Variants in HECTD4 observed in about 807,000 individuals in gnomAD.
HECTD4 encodes probable E3 ubiquitin-protein ligase HECTD4.
HECTD4 carries 114 observed loss-of-function variants against 471.5 expected under a neutral mutation model. That is an observed-to-expected ratio of 0.24 (90% CI 0.21 to 0.28). The LOEUF (loss-of-function observed/expected upper bound fraction) is 0.28, where lower values mean the gene tolerates loss of function less well. Among genes scored for constraint, HECTD4 ranks in the 10% least tolerant of loss-of-function variants. HECTD4 has a pLI of 1.00. For synonymous variants in HECTD4, 2,012 were observed against 2,256.0 expected (o/e 0.89, Z 3.07); for missense variants, 3,866 against 5,651.5 (o/e 0.68, Z 10.13).
Position 112,267,000 on chromosome 12 carries a change from T to C in HECTD4, c.2322-18A>G. On this transcript the variant is annotated intron_variant, in intron 13 of 75. Coordinates refer to ENST00000682272, the MANE Select transcript of HECTD4 (RefSeq NM_001388303.1). ...AACCAGAGCTGAAATGACAAAAAAG[T>C]CAAAAACATTTAAGCAAATGTTCTA... 1.5e-6 allele frequency: 2 copies of C among 1,365,052 alleles called. No homozygotes were observed. Among genetic ancestry groups the C allele is most frequent in the Non-Finnish European group, 2.0e-6 (2 of 988,282 alleles). The allele number at this position is 1,365,052 out of a possible 1,614,324, so 84.6% of individuals were successfully genotyped here. A position where few individuals can be genotyped will look rare whatever the true frequency, so the allele number is the denominator to read the frequency against.
At chr12:112,376,910 C>G (rs1393743366) in intron 1 of HECTD4, among the ~76,000 whole-genome samples, 1 of 152,050 alleles carries the variant, frequency 6.6e-6, no homozygotes, top group African/African-American at 2.4e-5. Context: ...GTCCGGAGTT[C>G]AAGACCAGCC....
chr12:112,196,778 G>T (rs1257209830), intron 55 of HECTD4, among the ~76,000 whole-genome samples: 2 of 152,046 alleles, frequency 1.3e-5, no homozygotes, highest in Non-Finnish European at 2.9e-5. Context: ...TTTTTGTAGA[G>T]ACACGGTCTC....
chr12:112,184,606 T>C lies in HECTD4; in HGVS notation c.10360A>G (p.Lys3454Glu), dbSNP rs777411517. ...GCCAGTGTCTTCTCGGGCTCAACTT[T>C]CCCGTCCCCGCCCTCGGCCTTGTCT... is the stretch of plus-strand genomic sequence containing the variant. ...PKDKAEGGDG[K>E]VEPEKTLAFP... Residue 3454 changes from lysine to glutamate, a missense_variant, in exon 61 of 76, where the codon AAA (lysine) becomes GAA (glutamate). Lys to Glu is a moderately conservative substitution (Grantham distance 56). Around this residue, in one of 16 missense-constraint regions of HECTD4, gnomAD observed 192 missense variants for 189.9 expected, o/e 1.01. Coordinates refer to ENST00000682272, the MANE Select transcript of HECTD4 (RefSeq NM_001388303.1). The surrounding 1 kb of genome is among the most constrained non-coding windows in gnomAD (Gnocchi z 9.1). 1.3e-5 allele frequency: 21 copies of C among 1,613,784 alleles called. No homozygotes were observed. The highest frequency in any genetic ancestry group is 1.8e-5 in the Non-Finnish European group (21 of 1,179,884).
chr12:112,235,721 C>T lies in HECTD4; in HGVS notation c.5508G>A (p.Leu1836=), dbSNP rs2033486586. ...PACVSKLLSL[L]LDQRPSPKLV... ...GCTTTGGAGACGGGCGTTGGTCAAG[C>T]AGCAGGGAGAGGAGTTTGGACACAC... The change falls in exon 36 of 76, where the codon CTG becomes CTA. Residue 1836 remains leucine, a synonymous_variant. Coordinates refer to ENST00000682272, the MANE Select transcript of HECTD4 (RefSeq NM_001388303.1). The surrounding 1 kb of genome is among the most constrained non-coding windows in gnomAD (Gnocchi z 5.0). 1.9e-6 allele frequency: 3 copies of T among 1,613,910 alleles called. No individual in the cohort carries two copies. The highest frequency in any genetic ancestry group is 2.5e-6 in the Non-Finnish European group (3 of 1,179,876).
chr12:112,263,135 CT>C, intron 17 of HECTD4, among the ~76,000 whole-genome samples: 1 of 152,224 alleles, frequency 6.6e-6, no homozygotes, highest in East Asian at 1.9e-4. Context: ...GATGAGAAAA[CT>C]AAGGCAAGAG....
At chr12:112,187,217 G>C (rs2031904462) in intron 60 of HECTD4, among the ~76,000 whole-genome samples, 1 of 151,452 alleles carries the variant, frequency 6.6e-6, no homozygotes. Flanking sequence ...GACCTCAGGT[G>C]ATCTGCCCAC....
intron 7 of HECTD4, among the ~76,000 whole-genome samples, chr12:112,294,544 T>C (rs1250634487): frequency 6.6e-6 from 1 of 152,194 alleles, no homozygotes; most frequent in African/African-American, 2.4e-5. Context: ...CCACAGTCCA[T>C]TCCATCATCC....
At position 112,162,936 on chromosome 12, in the gene HECTD4, G is replaced by C; in HGVS notation, c.13120+106C>G. On this transcript the variant is annotated intron_variant, in intron 75 of 75. Transcript: ENST00000682272. This position sits in a 1 kb window ranked among gnomAD's most constrained non-coding sequence, Gnocchi z 5.2. ...TGATGTCTGAGTTTTGGCACGTGGG[G>C]CTCCTGTTCATTGTTCTCCCTTCAC... is the stretch of plus-strand genomic sequence containing the variant. The C allele has an allele frequency of 1.1e-6, 1 of 926,284 alleles. No individual in the cohort carries two copies. The allele number at this position is 926,284 out of a possible 1,614,324, so 57.4% of individuals were successfully genotyped here.
intron 1 of HECTD4, among the ~76,000 whole-genome samples, chr12:112,379,463 G>A (rs1423264567): frequency 3.9e-5 from 6 of 152,222 alleles, no homozygotes; most frequent in Admixed American, 3.3e-4. Context: ...GGAGGCCAAG[G>A]CAGGCGGATC....
intron 7 of HECTD4, among the ~76,000 whole-genome samples, chr12:112,294,007 C>T (rs1220656833): frequency 1.3e-5 from 2 of 152,074 alleles, no homozygotes; most frequent in African/African-American, 2.4e-5. Context: ...TCAAGCAATC[C>T]CCCTGCCTGA....
At chr12:112,170,310 T>A in intron 69 of HECTD4, 23 bp downstream of exon 69, 2 of 1,612,720 alleles carry the variant, frequency 1.2e-6, no homozygotes, top group South Asian at 2.2e-5. Flanking sequence ...TTTGCATTTT[T>A]TGCTCTCCGC....
At chr12:112,199,120 C>T (rs944368174) in intron 55 of HECTD4, among the ~76,000 whole-genome samples, 9 of 152,132 alleles carry the variant, frequency 5.9e-5, no homozygotes, top group Admixed American at 5.9e-4. Context: ...CTCCTTCACA[C>T]CTGAGTTGAC....
chr12:112,323,996 TCC>T, intron 1 of HECTD4, among the ~76,000 whole-genome samples: 1 of 41,284 alleles, frequency 2.4e-5, no homozygotes, highest in African/African-American at 2.5e-4. Context: ...CTTCCTTCCT[TCC>T]TTCCTTCCTT....
chr12:112,334,012 C>T (rs1016480788), intron 1 of HECTD4, among the ~76,000 whole-genome samples: 1 of 151,888 alleles, frequency 6.6e-6, no homozygotes, highest in African/African-American at 2.4e-5. Flanking sequence ...AGTTCAATAC[C>T]AGCCTGGCCA....
chr12:112,347,150 G>A (rs1418771323), intron 1 of HECTD4, among the ~76,000 whole-genome samples: 3 of 151,772 alleles, frequency 2.0e-5, no homozygotes, highest in Non-Finnish European at 4.4e-5. Context: ...CAGGAAGGAG[G>A]AGCAAATGTT....
Position 112,293,103 on chromosome 12 carries a change from C to T in HECTD4, c.1336-9801G>A, listed in dbSNP as rs11066241. Among the ~76,000 whole-genome samples, 8,460 of 152,076 alleles carry T rather than the reference C, an allele frequency of 0.056. 1,291 individuals carry two copies. In the East Asian group the frequency reaches 0.61, roughly 11 times the overall value. ...AATGAGGGCCAGATGCAGTGGCTCACGCCTATAATCTCAGCAGTTTGGGAG... is the reference window on the plus strand; with the variant it reads ...AATGAGGGCCAGATGCAGTGGCTCATGCCTATAATCTCAGCAGTTTGGGAG... On this transcript the variant is annotated intron_variant, in intron 7 of 75. Coordinates refer to ENST00000682272, the MANE Select transcript of HECTD4 (RefSeq NM_001388303.1).
rs768956863 is a variant in HECTD4, at chr12:112,171,098, G to A, written c.11932+19C>T. The A allele has an allele frequency of 6.3e-7, 1 of 1,599,984 alleles. No individual in the cohort carries two copies. Among genetic ancestry groups the A allele is most frequent in the Non-Finnish European group, 8.5e-7 (1 of 1,169,688 alleles). On this transcript the variant is annotated intron_variant, in intron 68 of 75. Transcript: ENST00000682272. ...CACCTCTCTCTTCCTGCAGGGCCAG[G>A]GCAGGTGCAGGCACTGACCTTTGGC...
Position 112,239,290 on chromosome 12 carries a change from A to G in HECTD4, c.5106-54T>C. ...TAAACGTAACTGACCGACACTCAGG[A>G]AACTCTCATGTGAGGTTCAAAGGGG... On this transcript the variant is annotated intron_variant, in intron 33 of 75. Transcript: ENST00000682272. The surrounding 1 kb of genome is among the most constrained non-coding windows in gnomAD (Gnocchi z 4.9). 1 of 1,501,566 alleles carries G rather than the reference A, an allele frequency of 6.7e-7. No individual in the cohort carries two copies. Among genetic ancestry groups the G allele is most frequent in the Non-Finnish European group, 9.0e-7 (1 of 1,113,776 alleles). The allele number at this position is 1,501,566 out of a possible 1,614,324, so 93.0% of individuals were successfully genotyped here. A position where few individuals can be genotyped will look rare whatever the true frequency, so the allele number is the denominator to read the frequency against.
intron 7 of HECTD4, among the ~76,000 whole-genome samples, chr12:112,294,609 C>T (rs1442181743): frequency 6.6e-6 from 1 of 152,104 alleles, no homozygotes; most frequent in Non-Finnish European, 1.5e-5. Context: ...AAGATCTATT[C>T]TTTTCCATCT....
Sources: allele counts gnomAD v4.1 joint callset (sites outside exome capture counted in the v4.1 genomes callset), GRCh38; gene constraint gnomAD v4.1.1; regional missense constraint gnomAD v4.1.1; non-coding constraint Gnocchi (gnomAD v3.1); transcripts MANE v1.5; gene names NCBI Gene and HGNC (gene_info 2026-07-23, HGNC 2026-07-21).